The following TMEM255A variants were observed in gnomAD, a reference collection of about 807,000 sequenced individuals.
TMEM255A encodes the protein transmembrane protein 255A.
A neutral mutation model predicts 23.5 loss-of-function variants in TMEM255A; 14 were observed. That is an observed-to-expected ratio of 0.60 (90% CI 0.39 to 0.93). The LOEUF (loss-of-function observed/expected upper bound fraction) is 0.93. Ranked by LOEUF, TMEM255A falls within the 40% of genes least tolerant of loss-of-function variation. TMEM255A has a pLI of 0.00. For missense variants in TMEM255A, 233 were observed against 261.7 expected, an observed-to-expected ratio of 0.89 and a Z score of 0.76; for synonymous variants, 104 against 100.3, an observed-to-expected ratio of 1.04 and a Z score of -0.22.
intron 8 of TMEM255A, among the ~76,000 whole-genome samples, chrX:120,261,266 T>A (rs782004266): frequency 1.6e-4 from 18 of 111,647 alleles, no homozygotes; most frequent in Non-Finnish European, 3.4e-4. Context: ...CCACATCCAA[T>A]CAATTGCCAA....
chrX:120,296,428 T>TATTCC (rs2057956206), intron 2 of TMEM255A, among the ~76,000 whole-genome samples: 1 of 103,122 alleles, frequency 9.7e-6, no homozygotes, highest in East Asian at 3.0e-4. Context: ...TATTCTATTC[T>TATTCC]ATTCTATTCC....
chrX:120,277,554 T>C (rs1025875048), intron 6 of TMEM255A, among the ~76,000 whole-genome samples: 1 of 111,328 alleles, frequency 9.0e-6, no homozygotes, highest in Non-Finnish European at 1.9e-5. Flanking sequence ...TTTCCATCAT[T>C]GCAGAAAGTT....
chrX:120,285,468 A>G (rs2057867572), intron 5 of TMEM255A, among the ~76,000 whole-genome samples: 1 of 111,145 alleles, frequency 9.0e-6, no homozygotes, highest in Admixed American at 9.6e-5. Context: ...GTGGAGATGG[A>G]GAGAAGGAAG....
intron 1 of TMEM255A, among the ~76,000 whole-genome samples, chrX:120,309,572 A>G (rs941668492): frequency 2.7e-5 from 3 of 112,018 alleles, no homozygotes; most frequent in African/African-American, 9.7e-5. Flanking sequence ...GCACTCTTCC[A>G]CTCTGCCCTC....
chrX:120,296,663 A>T (rs1224692360), intron 2 of TMEM255A, among the ~76,000 whole-genome samples: 1 of 64,360 alleles, frequency 1.6e-5, no homozygotes, highest in African/African-American at 6.9e-5. Context: ...ATATATTATA[A>T]TATAATATAT....
chrX:120,274,627 A>G lies in TMEM255A; in HGVS notation c.675+2258T>C, dbSNP rs145791610. 6.3e-3 allele frequency among the ~76,000 whole-genome samples: 706 copies of G among 111,695 alleles called. 7 individuals are homozygous for G. Among genetic ancestry groups the G allele is most frequent in the African/African-American group, 0.021 (653 of 30,714 alleles). ...TCAAAATCCAATTCTTTCCATCACC[A>G]TGGAAAAGGGTCTTATCAAATCCTT... On this transcript the variant is annotated intron_variant, in intron 7 of 8. Transcript: ENST00000371369.
At chrX:120,267,704 G>A (rs2057726389) in intron 8 of TMEM255A, among the ~76,000 whole-genome samples, 1 of 111,844 alleles carries the variant, frequency 8.9e-6, no homozygotes, top group South Asian at 3.8e-4. Context: ...AAGGGGGAGG[G>A]GTGTTATAAA....
chrX:120,281,734 C>T lies in TMEM255A; in HGVS notation c.512+3393G>A, dbSNP rs1170918221. Among the ~76,000 whole-genome samples, 7 of 112,496 alleles carry T rather than the reference C, an allele frequency of 6.2e-5. No homozygotes were observed. In the Admixed American group the frequency reaches 6.6e-4, roughly 11 times the overall value. ...AGCTGATGCTGTTCACAAATCACTT[C>T]ATTTCCTTTAGGTTACGGGCTGAAA... is the stretch of plus-strand genomic sequence containing the variant. On this transcript the variant is annotated intron_variant, in intron 6 of 8. Transcript: ENST00000371369.
intron 8 of TMEM255A, among the ~76,000 whole-genome samples, chrX:120,263,823 G>A (rs73219115): frequency 0.25 from 27,615 of 108,550 alleles, 2,728 homozygotes; most frequent in African/African-American, 0.29. Flanking sequence ...GGTGGCGGGG[G>A]GAAGAAAAAG....
chrX:120,293,859 A>C, intron 3 of TMEM255A, 130 bp downstream of exon 3: 1 of 448,881 alleles, frequency 2.2e-6, no homozygotes, highest in Non-Finnish European at 3.9e-6. Flanking sequence ...CTAGAGGTTT[A>C]GGAGAAACGG....
At chrX:120,280,335 G>A (rs2057829294) in intron 6 of TMEM255A, among the ~76,000 whole-genome samples, 1 of 110,858 alleles carries the variant, frequency 9.0e-6, no homozygotes, top group Non-Finnish European at 1.9e-5. Flanking sequence ...TATGGGAATA[G>A]GATAGTAGTT....
chrX:120,266,549 C>T lies in TMEM255A; in HGVS notation c.819+1695G>A, dbSNP rs891040846. ...GGCTCCATACCCAAAAGAGAGGTTT[C>T]CTATCTTATAATTTGTGGTAACCAT... On this transcript the variant is annotated intron_variant, in intron 8 of 8. Coordinates refer to ENST00000371369, the MANE Select transcript of TMEM255A (RefSeq NM_001104544.3). Among the ~76,000 whole-genome samples the T allele has an allele frequency of 1.8e-5, 2 of 111,910 alleles. 1 individual carries two copies. Among genetic ancestry groups the T allele is most frequent in the African/African-American group, 6.5e-5 (2 of 30,718 alleles).
downstream of TMEM255A, chrX:120,255,278 T>G: frequency 8.3e-7 from 1 of 1,211,896 alleles, no homozygotes; most frequent in Non-Finnish European, 1.1e-6. Context: ...AGGTTGACAC[T>G]GGAAAAGAAC....
rs964607230 is a variant in TMEM255A, at chrX:120,271,056, T to G, written c.676-2669A>C. The stretch of plus-strand genomic sequence containing the variant: ...CCCCAGATCTTTGCTTTCATTTTTT[T>G]TCTGCCCTGGTCCTTGATAGAGTTC... On this transcript the variant is annotated intron_variant, in intron 7 of 8. Coordinates refer to ENST00000371369, the MANE Select transcript of TMEM255A (RefSeq NM_001104544.3). Among the ~76,000 whole-genome samples, 3 of 111,659 alleles carry G rather than the reference T, an allele frequency of 2.7e-5. No individual in the cohort carries two copies. The Admixed American group carries it at 2.8e-4, about 11-fold the overall frequency.
At chrX:120,287,479 A>C (rs1556022095) in intron 4 of TMEM255A, among the ~76,000 whole-genome samples, 1 of 111,648 alleles carries the variant, frequency 9.0e-6, no homozygotes, top group East Asian at 2.8e-4. Flanking sequence ...TGATTGAGAA[A>C]TGGGCTTCTT....
At chrX:120,307,271 T>C (rs1332699328) in intron 1 of TMEM255A, among the ~76,000 whole-genome samples, 1 of 112,158 alleles carries the variant, frequency 8.9e-6, no homozygotes, top group Non-Finnish European at 1.9e-5. Context: ...CCCAGGCTCC[T>C]AAAAGGCAGT....
At chrX:120,280,495 G>T (rs1159977423) in intron 6 of TMEM255A, among the ~76,000 whole-genome samples, 2 of 109,481 alleles carry the variant, frequency 1.8e-5, no homozygotes, top group African/African-American at 3.3e-5. Flanking sequence ...AATTAATGTG[G>T]TTTTTTTCTG....
chrX:120,273,158 G>T, intron 7 of TMEM255A: 1 of 185,889 alleles, frequency 5.4e-6, no homozygotes, highest in Non-Finnish European at 1.0e-5. Flanking sequence ...ACAGGCTGCA[G>T]AAAATTTCAA....
intron 3 of TMEM255A, among the ~76,000 whole-genome samples, chrX:120,292,438 T>A (rs1556023191): frequency 9.0e-6 from 1 of 110,639 alleles, no homozygotes. Flanking sequence ...GGCATCAAGC[T>A]GCTCTCCAGG....
Sources: gnomAD v4.1 joint callset for allele counts (sites outside exome capture counted in the v4.1 genomes callset) on GRCh38, gnomAD v4.1.1 for gene constraint, MANE v1.5 for transcripts, NCBI Gene and HGNC (gene_info 2026-07-23, HGNC 2026-07-21) for gene names.